GRAMD4: variants seen among roughly 807,000 people sequenced by gnomAD.
The protein encoded by GRAMD4 is GRAM domain-containing protein 4.
GRAMD4 carries 25 observed loss-of-function variants against 83.9 expected under a neutral mutation model. The observed-to-expected ratio is 0.30, with a 90% CI of 0.22 to 0.42. The LOEUF (loss-of-function observed/expected upper bound fraction) is 0.42, where lower values mean the gene tolerates loss of function less well. Ranked by LOEUF, GRAMD4 falls within the 10% of genes least tolerant of loss-of-function variation. The pLI is 1.00. For missense variants in GRAMD4, 593 were observed against 788.7 expected, an observed-to-expected ratio of 0.75 and a Z score of 2.97; for synonymous variants, 336 against 320.9, an observed-to-expected ratio of 1.05 and a Z score of -0.50.
chr22:46,663,769 G>A lies in GRAMD4; in HGVS notation c.600-69G>A, dbSNP rs139382757. 8.4e-5 allele frequency: 125 copies of A among 1,488,094 alleles called. No homozygotes were observed. The East Asian group carries it at 2.1e-3, about 26-fold the overall frequency. The allele number at this position is 1,488,094 out of a possible 1,614,324, so 92.2% of individuals were successfully genotyped here. ...TGGCCCCTGCAGAGCCAACGGAACC[G>A]GGCAGTGGGGACTGCAGAGCCGGCG... is the stretch of plus-strand genomic sequence containing the variant. On this transcript the variant is annotated intron_variant, in intron 6 of 18. Coordinates refer to ENST00000406902, the MANE Select transcript of GRAMD4 (RefSeq NM_015124.5).
chr22:46,576,104 G>T, upstream of GRAMD4: 1 of 152,994 alleles, frequency 6.5e-6, no homozygotes. Context: ...GCAGGGCACT[G>T]GGGCAGGCAA....
In GRAMD4 at chr22:46,665,648, A is replaced by G; in HGVS notation, c.751A>G (p.Ile251Val). 6.2e-7 allele frequency: 1 copy of G among 1,606,430 alleles called. No individual in the cohort carries two copies. The highest frequency in any genetic ancestry group is 8.5e-7 in the Non-Finnish European group (1 of 1,173,630). Residue 251 changes from isoleucine to valine, a missense_variant, in exon 9 of 19, where the codon ATC becomes GTC. Physicochemically the swap from Ile to Val is conservative, Grantham distance 29. This residue lies in a region of GRAMD4 where 312 missense variants were observed against 350.7 expected (regional missense o/e 0.89). Transcript: ENST00000406902. ...YMNAVWHGWAIPLFLFLAILR... is the reference protein window; with the variant it reads ...YMNAVWHGWAVPLFLFLAILR... ...GAATGCCGTGTGGCATGGCTGGGCC[A>G]TCCCATTGTTCTTATTTCTAGCAAT...
Position 46,597,850 on chromosome 22 carries a change from G to A in GRAMD4, c.-50+20560G>A, listed in dbSNP as rs148686068. 3.5e-3 allele frequency among the ~76,000 whole-genome samples: 531 copies of A among 152,248 alleles called. 5 individuals carry two copies. Among genetic ancestry groups the A allele is most frequent in the African/African-American group, 0.012 (502 of 41,550 alleles). On this transcript the variant is annotated intron_variant, in intron 1 of 1. Transcript: ENST00000431155. ...GTTTGATTTGCAAGTTACCCTTCTG[G>A]GGGCAAGTTTAGGTGACACGTTGGT...
chr22:46,655,872 G>A (rs2082235442), intron 3 of GRAMD4, among the ~76,000 whole-genome samples: 1 of 152,280 alleles, frequency 6.6e-6, no homozygotes, highest in African/African-American at 2.4e-5. Flanking sequence ...GGGAGGCACC[G>A]GCTTCAGCTA....
At chr22:46,670,442 G>A (rs969757011) in intron 13 of GRAMD4, among the ~76,000 whole-genome samples, 3 of 152,212 alleles carry the variant, frequency 2.0e-5, no homozygotes, top group Non-Finnish European at 4.4e-5. Flanking sequence ...TCATGAATGG[G>A]TAGGTGACCA....
At chr22:46,669,786 C>G (rs1245860947) in intron 13 of GRAMD4, among the ~76,000 whole-genome samples, 1 of 152,168 alleles carries the variant, frequency 6.6e-6, no homozygotes, top group African/African-American at 2.4e-5. Flanking sequence ...ACCTTATTGG[C>G]TAGGCTGGTC....
chr22:46,588,321 C>T (rs1196855649), intron 1 of GRAMD4, among the ~76,000 whole-genome samples: 3 of 152,196 alleles, frequency 2.0e-5, no homozygotes, highest in East Asian at 1.9e-4. Flanking sequence ...AGCACACCTC[C>T]GTCCCTGTCT....
At chr22:46,591,847 A>T (rs2081211874) in intron 1 of GRAMD4, among the ~76,000 whole-genome samples, 1 of 149,904 alleles carries the variant, frequency 6.7e-6, no homozygotes, top group Admixed American at 6.7e-5. Flanking sequence ...AAAAAAAAAA[A>T]AAAAACCCAG....
intron 3 of GRAMD4, among the ~76,000 whole-genome samples, chr22:46,656,854 T>C (rs2082251663): frequency 6.6e-6 from 1 of 152,226 alleles, no homozygotes; most frequent in Non-Finnish European, 1.5e-5. Flanking sequence ...CCATGGTCAG[T>C]GTGGTCTGTG....
At chr22:46,636,694 T>C (rs2081893826) in intron 2 of GRAMD4, among the ~76,000 whole-genome samples, 1 of 152,210 alleles carries the variant, frequency 6.6e-6, no homozygotes, top group South Asian at 2.1e-4. Flanking sequence ...GTGCTGTCCC[T>C]CACCAGGTCC....
chr22:46,584,708 A>G (rs551482188), intron 1 of GRAMD4, among the ~76,000 whole-genome samples: 25 of 152,320 alleles, frequency 1.6e-4, no homozygotes, highest in African/African-American at 5.8e-4. Flanking sequence ...CACCTCCCCA[A>G]CATGATTCCA....
At chr22:46,609,676 A>C (rs1185786454) in intron 1 of GRAMD4, among the ~76,000 whole-genome samples, 1 of 152,200 alleles carries the variant, frequency 6.6e-6, no homozygotes, top group East Asian at 1.9e-4. Flanking sequence ...AGGCCCACGC[A>C]CACACTGGAT....
chr22:46,625,754 C>A (rs1423860696), intron 1 of GRAMD4, among the ~76,000 whole-genome samples: 1 of 152,200 alleles, frequency 6.6e-6, no homozygotes, highest in Non-Finnish European at 1.5e-5. Flanking sequence ...CCTGGCTGGC[C>A]CCTCCTGTGG....
intron 13 of GRAMD4, among the ~76,000 whole-genome samples, chr22:46,669,237 C>A (rs1409553314): frequency 2.0e-5 from 3 of 152,200 alleles, no homozygotes; most frequent in Non-Finnish European, 2.9e-5. Context: ...CTTGGGGCGC[C>A]TGTGGGCTTA....
rs923004059 is a variant in GRAMD4 at position 46,602,661 on chromosome 22, C to CA, written c.-49-24080dup. The stretch of plus-strand genomic sequence containing the variant: ...TGGGTGACAGAGTGAGACTCTGTCT[C>CA]AAAAAAAAAATTGTATTTCTCTCAT... On this transcript the variant is annotated intron_variant, in intron 1 of 1. Transcript: ENST00000431155. 2.7e-4 allele frequency among the ~76,000 whole-genome samples: 39 copies of CA among 142,910 alleles called. 2 individuals carry two copies. The highest frequency in any genetic ancestry group is 5.4e-4 in the African/African-American group (21 of 38,934). The allele number at this position is 142,910 out of a possible 152,430, so 93.8% of individuals were successfully genotyped here.
intron 13 of GRAMD4, among the ~76,000 whole-genome samples, chr22:46,671,573 G>A (rs917670902): frequency 6.6e-6 from 1 of 151,840 alleles, no homozygotes. Flanking sequence ...GGAGAATGGC[G>A]TGAACCCGGG....
At chr22:46,675,648 G>T in intron 17 of GRAMD4, 96 bp downstream of exon 17, 1 of 833,060 alleles carries the variant, frequency 1.2e-6, no homozygotes, top group Non-Finnish European at 2.1e-6. Context: ...GCCAGCCTCT[G>T]TCAGCATCTG....
At chr22:46,651,069 A>G (rs886117268) in intron 3 of GRAMD4, among the ~76,000 whole-genome samples, 1 of 152,096 alleles carries the variant, frequency 6.6e-6, no homozygotes, top group Admixed American at 6.5e-5. Flanking sequence ...TGTGCCACGT[A>G]CCCGGGCCAT....
chr22:46,642,906 T>A, intron 3 of GRAMD4, among the ~76,000 whole-genome samples: 1 of 152,096 alleles, frequency 6.6e-6, no homozygotes, highest in Non-Finnish European at 1.5e-5. Context: ...CATCCATCCA[T>A]CTATTTATCC....
Sources: gnomAD v4.1 joint callset for allele counts (sites outside exome capture counted in the v4.1 genomes callset) on GRCh38, gnomAD v4.1.1 for gene constraint, gnomAD v4.1.1 regional missense constraint, MANE v1.5 for transcripts, NCBI Gene and HGNC (gene_info 2026-07-23, HGNC 2026-07-21) for gene names.